Variants in DSG1 observed in about 807,000 individuals in gnomAD.
DSG1 encodes desmoglein-1.
DSG1 carries 39 observed loss-of-function variants against 97.5 expected under a neutral mutation model. That is an observed-to-expected ratio of 0.40 (90% confidence interval 0.31 to 0.52). DSG1 has a LOEUF of 0.52. DSG1 is among the 20% of genes least tolerant of loss of function. The pLI is 0.53. For missense variants in DSG1, 1,311 were observed against 1,295.4 expected (o/e 1.01, Z -0.18); for synonymous variants, 475 against 443.4 (o/e 1.07, Z -0.90).
chr18:31,347,699 T>C (rs934953579), intron 14 of DSG1: 1 of 152,210 alleles, frequency 6.6e-6, no homozygotes, highest in African/African-American at 2.4e-5. Flanking sequence ...GATTATATTT[T>C]TTAAAAGTGT....
At chr18:31,329,283 C>A (rs1341498012) in intron 4 of DSG1, among the ~76,000 whole-genome samples, 1 of 151,964 alleles carries the variant, frequency 6.6e-6, no homozygotes, top group Non-Finnish European at 1.5e-5. Context: ...AATAAAGAAA[C>A]CCTATTTTGC....
chr18:31,354,790 CAGAG>C lies in DSG1; in HGVS notation c.2599_2602del (p.Arg867TrpfsTer14). The C allele has an allele frequency of 1.9e-6, 3 of 1,614,110 alleles. No individual in the cohort carries two copies. Among genetic ancestry groups the C allele is most frequent in the Non-Finnish European group, 1.7e-6 (2 of 1,180,022 alleles). ...CGACCAGCATCAAACGTGGTAGTGA[CAGAG>C]AGAGTGGTCGGCCCAATCTCTGGCG... On this transcript the variant is annotated frameshift_variant, in exon 15 of 15. Transcript: ENST00000257192. LOFTEE classifies it high-confidence loss of function.
intron 14 of DSG1, among the ~76,000 whole-genome samples, chr18:31,350,359 A>G (rs2144118797): frequency 9.4e-6 from 1 of 106,336 alleles, no homozygotes; most frequent in South Asian, 3.8e-4. Context: ...GTGCTGCTGG[A>G]TTCGTTTTGC....
rs1598699465 is a variant in DSG1 at position 31,328,213 on chromosome 18, C to T, written c.241C>T (p.Gln81Ter). 1 of 1,613,502 alleles carries T rather than the reference C, an allele frequency of 6.2e-7. No individual in the cohort carries two copies. ...GATTCACTCAGATTGTGCTGCAAAC[C>T]AGCAAGTTACATACCGCATCTCTGG... ...AKIHSDCAAN[Q>*]QVTYRISGVG... Residue 81 changes from glutamine (Q) to a stop codon, truncating the protein, a stop_gained, in exon 4 of 15, where the codon CAG (glutamine) becomes TAG (stop). Transcript: ENST00000257192. LOFTEE classifies it high-confidence loss of function.
chr18:31,341,058 G>T (rs2071786050), intron 11 of DSG1, among the ~76,000 whole-genome samples: 1 of 152,118 alleles, frequency 6.6e-6, no homozygotes, highest in African/African-American at 2.4e-5. Flanking sequence ...ACTAGTCAAG[G>T]GTCTAGCTAT....
intron 3 of DSG1, 125 bp from the exon 4 acceptor site, chr18:31,328,064 T>C: frequency 1.1e-6 from 1 of 907,960 alleles, no homozygotes. Context: ...GAAAATAATC[T>C]CCATTGACAA....
chr18:31,333,478 T>G, intron 6 of DSG1, 111 bp from the exon 7 acceptor site: 1 of 1,299,108 alleles, frequency 7.7e-7, no homozygotes, highest in Non-Finnish European at 1.1e-6. Flanking sequence ...TAACCCTACC[T>G]CTATCATAGA....
intron 5 of DSG1, 49 bp downstream of exon 5, chr18:31,330,085 A>G: frequency 6.3e-7 from 1 of 1,598,320 alleles, no homozygotes; most frequent in Non-Finnish European, 8.6e-7. Flanking sequence ...CAGGCACCTA[A>G]CTGGAGACTA....
At chr18:31,344,467 A>G (rs574007291) in intron 13 of DSG1, among the ~76,000 whole-genome samples, 2 of 152,352 alleles carry the variant, frequency 1.3e-5, no homozygotes, top group Admixed American at 1.3e-4. Context: ...CTTTGACTTT[A>G]GCTGCTTATT....
At chr18:31,326,560 T>C (rs1207728108) in intron 1 of DSG1, 21 bp from the exon 2 acceptor site, 1 of 1,559,960 alleles carries the variant, frequency 6.4e-7, no homozygotes, top group African/African-American at 1.4e-5. Flanking sequence ...ATAACTAGTG[T>C]GATTATCTTA....
At position 31,331,901 on chromosome 18, in the gene DSG1, CAAAG is replaced by C. The variant is rs762526764; in HGVS notation, c.684+35_684+38del. 6.5e-5 allele frequency: 103 copies of C among 1,595,406 alleles called. 1 individual carries two copies. The highest frequency in any genetic ancestry group is 2.4e-4 in the South Asian group (22 of 90,224). On this transcript the variant is annotated intron_variant, in intron 6 of 14. Coordinates refer to ENST00000257192, the MANE Select transcript of DSG1 (RefSeq NM_001942.4). ...TTTTCTTTAAGTGGGTTTTTGGTCTCAAAGGAACTGATTCTAAAAGCAAGGATAC... is the reference window on the plus strand; with the variant it reads ...TTTTCTTTAAGTGGGTTTTTGGTCTCGAACTGATTCTAAAAGCAAGGATAC...
rs148241368 is a variant in DSG1 at position 31,333,884 on chromosome 18, A to C, written c.820-133A>C. 102 of 1,151,254 alleles carry C rather than the reference A, an allele frequency of 8.9e-5. No individual in the cohort carries two copies. The African/African-American group carries it at 1.5e-3, about 17-fold the overall frequency. The allele number at this position is 1,151,254 out of a possible 1,614,324, so 71.3% of individuals were successfully genotyped here. A position where few individuals can be genotyped will look rare whatever the true frequency, so the allele number is the denominator to read the frequency against. Reference sequence around the variant, plus strand: ...GTTTATGCAAGAATAAATGGAGTTAAGCAATGAAAAATGAGATGAAAACCA... The same window carrying C: ...GTTTATGCAAGAATAAATGGAGTTACGCAATGAAAAATGAGATGAAAACCA... On this transcript the variant is annotated intron_variant, in intron 7 of 14. Transcript: ENST00000257192.
chr18:31,326,775 C>T, intron 2 of DSG1, 99 bp from the exon 3 acceptor site: 1 of 1,453,192 alleles, frequency 6.9e-7, no homozygotes, highest in Non-Finnish European at 9.6e-7. Flanking sequence ...ATTAAACATC[C>T]TCTATTTCTG....
chr18:31,339,052 C>A (rs1266618592), intron 10 of DSG1, among the ~76,000 whole-genome samples: 1 of 152,022 alleles, frequency 6.6e-6, no homozygotes, highest in African/African-American at 2.4e-5. Flanking sequence ...ACAAATTATT[C>A]CCATATTTTT....
intron 4 of DSG1, among the ~76,000 whole-genome samples, chr18:31,329,087 A>G (rs942970102): frequency 1.3e-5 from 2 of 152,116 alleles, no homozygotes; most frequent in South Asian, 4.1e-4. Flanking sequence ...TCATTAAATC[A>G]AAAGCAGGAT....
chr18:31,323,927 T>C (rs924347033), intron 1 of DSG1, among the ~76,000 whole-genome samples: 3 of 151,892 alleles, frequency 2.0e-5, no homozygotes. Context: ...TATTTTCCTA[T>C]TGTTTCTTTC....
At chr18:31,339,699 C>T (rs1277398967) in intron 10 of DSG1, 45 bp from the exon 11 acceptor site, 1 of 1,464,894 alleles carries the variant, frequency 6.8e-7, no homozygotes, top group Non-Finnish European at 9.6e-7. Flanking sequence ...ACCATTCCTA[C>T]ACTAAATGTC....
chr18:31,319,813 A>C (rs565868984), intron 1 of DSG1, among the ~76,000 whole-genome samples: 12 of 152,198 alleles, frequency 7.9e-5, no homozygotes, highest in Admixed American at 7.9e-4. Context: ...TTAAACAGCC[A>C]CTTCCTATTT....
rs780405498 is a variant in DSG1 at position 31,354,341 on chromosome 18, T to C, written c.2145T>C (p.Asn715=). 3.1e-6 allele frequency: 5 copies of C among 1,614,248 alleles called. No homozygotes were observed. The South Asian group carries it at 4.4e-5, about 14-fold the overall frequency. ...ATGAAGATGAAGGACGCCCATCTAA[T>C]GACTGTTTGCTCATATATGACATCG... ...YADEDEGRPS[N]DCLLIYDIEG... The change falls in exon 15 of 15, where the codon AAT becomes AAC. Residue 715 remains asparagine (N), a synonymous_variant. Coordinates refer to ENST00000257192, the MANE Select transcript of DSG1 (RefSeq NM_001942.4).
Sources: gnomAD v4.1 joint callset for allele counts (sites outside exome capture counted in the v4.1 genomes callset) on GRCh38, gnomAD v4.1.1 for gene constraint, MANE v1.5 for transcripts, NCBI Gene and HGNC (gene_info 2026-07-23, HGNC 2026-07-21) for gene names.